BCR: variants seen among roughly 807,000 people sequenced by gnomAD.
BCR encodes breakpoint cluster region protein.
BCR carries 58 observed loss-of-function variants against 138.6 expected under a neutral mutation model. The observed-to-expected ratio is 0.42, with a 90% confidence interval of 0.34 to 0.52. BCR has a LOEUF of 0.52. Ranked by LOEUF, BCR falls within the 20% of genes least tolerant of loss-of-function variation. BCR has a pLI of 0.06. For synonymous variants in BCR, 786 were observed against 730.1 expected (o/e 1.08, Z -1.23); for missense variants, 1,599 against 1,727.2 (o/e 0.93, Z 1.32).
chr22:23,282,055 G>C (rs2073652509), intron 8 of BCR, among the ~76,000 whole-genome samples: 1 of 152,190 alleles, frequency 6.6e-6, no homozygotes, highest in Non-Finnish European at 1.5e-5. Flanking sequence ...CTGCCATCCA[G>C]CCCCGCCACT....
At chr22:23,225,566 G>C (rs912921395) in intron 1 of BCR, among the ~76,000 whole-genome samples, 10 of 152,224 alleles carry the variant, frequency 6.6e-5, no homozygotes, top group Non-Finnish European at 1.5e-5. Context: ...GGAAATCCCT[G>C]TAGGTCTGGA....
rs1167725508 is a variant in BCR at position 23,273,774 on chromosome 22, G to C, written c.2115G>C (p.Glu705Asp). The C allele has an allele frequency of 4.3e-6, 7 of 1,613,918 alleles. No homozygotes were observed. The highest frequency in any genetic ancestry group is 5.9e-6 in the Non-Finnish European group (7 of 1,179,984). Residue 705 changes from glutamate to aspartate, a missense_variant and splice_region_variant, in exon 8 of 23, where the codon GAG becomes GAC. Around this residue, in one of 4 missense-constraint regions of BCR, gnomAD observed 590 missense variants for 762.4 expected, o/e 0.77. Coordinates refer to ENST00000305877, the MANE Select transcript of BCR (RefSeq NM_004327.4). ...AGTCCATGACGGTGAAGAAGGGAGA[G>C]GTGAGTGTGGCAGGGGATGGCTTGG... ...RRQSMTVKKG[E>D]HRQLLKDSFM...
chr22:23,190,571 A>G (rs867990710), intron 1 of BCR, among the ~76,000 whole-genome samples: 6 of 152,210 alleles, frequency 3.9e-5, no homozygotes, highest in Non-Finnish European at 8.8e-5. Flanking sequence ...ATTTCCAAAT[A>G]CAGTCACATT....
chr22:23,260,069 G>A (rs999902776), intron 2 of BCR, among the ~76,000 whole-genome samples: 2 of 152,212 alleles, frequency 1.3e-5, no homozygotes, highest in African/African-American at 2.4e-5. Flanking sequence ...ATACGGTAAC[G>A]TTCTAAGGTA....
intron 1 of BCR, among the ~76,000 whole-genome samples, chr22:23,223,881 G>A (rs2072858614): frequency 1.3e-5 from 2 of 152,168 alleles, no homozygotes; most frequent in Admixed American, 6.5e-5. Context: ...CCCGCTAAAT[G>A]ATTCCTGGCC....
At chr22:23,271,667 A>G in intron 6 of BCR, 75 bp downstream of exon 6, 3 of 1,461,518 alleles carry the variant, frequency 2.1e-6, no homozygotes, top group Non-Finnish European at 2.9e-6. Flanking sequence ...CGTTGTGGAA[A>G]AGCAGACACA....
intron 1 of BCR, among the ~76,000 whole-genome samples, chr22:23,231,392 G>C (rs1234481682): frequency 6.6e-6 from 1 of 151,964 alleles, no homozygotes; most frequent in South Asian, 2.1e-4. Flanking sequence ...TGTAGTCCCA[G>C]CTATTCAGGA....
chr22:23,284,123 C>G (rs868341237), intron 9 of BCR, 25 bp downstream of exon 9: 6 of 1,611,000 alleles, frequency 3.7e-6, no homozygotes, highest in Non-Finnish European at 5.1e-6. Flanking sequence ...GGCCCCTGTC[C>G]CAGCAGTGAC....
At chr22:23,219,641 C>T (rs1009839934) in intron 1 of BCR, among the ~76,000 whole-genome samples, 4 of 152,220 alleles carry the variant, frequency 2.6e-5, no homozygotes, top group Non-Finnish European at 4.4e-5. Context: ...TGGGCACTGG[C>T]GGTGCGGGAG....
At chr22:23,276,778 G>A (rs1356836920) in intron 8 of BCR, among the ~76,000 whole-genome samples, 2 of 146,834 alleles carry the variant, frequency 1.4e-5, no homozygotes, top group Non-Finnish European at 3.0e-5. Context: ...CAACGGGTTT[G>A]CAGTCCTTGA....
At chr22:23,290,548 G>T in intron 14 of BCR, 135 bp downstream of exon 14, 1 of 919,366 alleles carries the variant, frequency 1.1e-6, no homozygotes, top group South Asian at 1.4e-5. Context: ...CCTGGCCGCT[G>T]TGGAGTGTTT....
chr22:23,265,067 G>A (rs867276486), intron 4 of BCR: 1 of 152,100 alleles, frequency 6.6e-6, no homozygotes, highest in African/African-American at 2.4e-5. Context: ...TTGTTGGGGG[G>A]AAAAAAACAC....
intron 8 of BCR, among the ~76,000 whole-genome samples, chr22:23,281,402 G>A (rs1219216681): frequency 2.0e-5 from 3 of 152,214 alleles, no homozygotes; most frequent in African/African-American, 7.2e-5. Flanking sequence ...CGACTCGGGT[G>A]GGCTATGCAG....
intron 1 of BCR, among the ~76,000 whole-genome samples, chr22:23,183,520 G>A (rs2072297903): frequency 6.6e-6 from 1 of 152,186 alleles, no homozygotes; most frequent in African/African-American, 2.4e-5. Context: ...CTGCCGTCTG[G>A]CCGGGCTGCA....
rs776997501 is a variant in BCR, at chr22:23,182,106, T to C, written c.1146T>C (p.Ser382=). 6.2e-7 allele frequency: 1 copy of C among 1,612,076 alleles called. No homozygotes were observed. Among genetic ancestry groups the C allele is most frequent in the Non-Finnish European group, 8.5e-7 (1 of 1,179,960 alleles). The change falls in exon 1 of 23, where the codon AGT becomes AGC. Residue 382 remains serine (S), a synonymous_variant. Transcript: ENST00000305877. ...CGCAACAGTCCTTCGACAGCAGCAG[T>C]CCCCCCACGCCGCAGTGCCATAAGC... The part of the protein sequence containing the change: ...QNSQQSFDSS[S]PPTPQCHKRH...
At chr22:23,232,203 T>C (rs2072966780) in intron 1 of BCR, among the ~76,000 whole-genome samples, 1 of 152,250 alleles carries the variant, frequency 6.6e-6, no homozygotes, top group African/African-American at 2.4e-5. Flanking sequence ...GGACCCCAAG[T>C]GCTCTAGGCA....
intron 1 of BCR, among the ~76,000 whole-genome samples, chr22:23,217,807 C>T (rs75578873): frequency 1.3e-3 from 193 of 152,332 alleles, no homozygotes; most frequent in Middle Eastern, 3.4e-3. Flanking sequence ...GTGGGATGCT[C>T]GTGAGACCTG....
At chr22:23,245,463 G>T (rs901731307) in intron 1 of BCR, among the ~76,000 whole-genome samples, 2 of 152,158 alleles carry the variant, frequency 1.3e-5, no homozygotes, top group Non-Finnish European at 2.9e-5. Context: ...GGATCCTGGG[G>T]TGCTCTCTGT....
intron 1 of BCR, among the ~76,000 whole-genome samples, chr22:23,206,718 T>C (rs2146214773): frequency 6.6e-6 from 1 of 152,356 alleles, no homozygotes; most frequent in African/African-American, 2.4e-5. Context: ...TCTTATTTCC[T>C]AGCAGCAGAT....
Sources: allele counts gnomAD v4.1 joint callset (sites outside exome capture counted in the v4.1 genomes callset), GRCh38; gene constraint gnomAD v4.1.1; regional missense constraint gnomAD v4.1.1; transcripts MANE v1.5; gene names NCBI Gene and HGNC (gene_info 2026-07-23, HGNC 2026-07-21).